The following UVRAG variants were observed in gnomAD, a reference collection of about 807,000 sequenced individuals.
The protein encoded by UVRAG is UV radiation resistance-associated gene protein.
Under a neutral mutation model 78.0 loss-of-function variants are expected in UVRAG, and 19 were observed. The ratio of observed to expected loss-of-function variants is 0.24; its 90% CI spans 0.17 to 0.36. The LOEUF (loss-of-function observed/expected upper bound fraction) is 0.36, where lower values mean the gene tolerates loss of function less well. Among genes scored for constraint, UVRAG ranks in the 10% least tolerant of loss-of-function variants. UVRAG has a pLI of 1.00. For missense variants in UVRAG, 740 were observed against 853.8 expected (o/e 0.87, Z 1.66); for synonymous variants, 323 against 324.6 (o/e 1.00, Z 0.05).
chr11:76,103,278 C>A (rs1041233792), intron 13 of UVRAG, among the ~76,000 whole-genome samples: 9 of 152,102 alleles, frequency 5.9e-5, no homozygotes, highest in African/African-American at 2.2e-4. Flanking sequence ...GGGTGAAGGT[C>A]ATGGGGGCCA....
At chr11:75,858,073 A>G (rs757266313) in intron 2 of UVRAG, among the ~76,000 whole-genome samples, 1 of 151,980 alleles carries the variant, frequency 6.6e-6, no homozygotes, top group South Asian at 2.1e-4. Context: ...AATATGCAGA[A>G]CTGCAGAACC....
chr11:75,940,706 T>C (rs1208256371), intron 6 of UVRAG, among the ~76,000 whole-genome samples: 1 of 152,156 alleles, frequency 6.6e-6, no homozygotes, highest in African/African-American at 2.4e-5. Flanking sequence ...GATAAAACTG[T>C]AGATGCTTTT....
At chr11:76,120,739 A>C (rs770110533) in intron 14 of UVRAG, among the ~76,000 whole-genome samples, 28 of 152,230 alleles carry the variant, frequency 1.8e-4, no homozygotes, top group Non-Finnish European at 2.4e-4. Context: ...TTCCAAGTAA[A>C]GATCACGGCA....
intron 7 of UVRAG, among the ~76,000 whole-genome samples, chr11:75,968,242 G>A (rs1014642923): frequency 3.9e-5 from 6 of 152,146 alleles, no homozygotes; most frequent in South Asian, 2.1e-4. Context: ...TCATAAATAG[G>A]AATGTGTGTA....
chr11:75,821,482 C>G (rs927333784), intron 1 of UVRAG, among the ~76,000 whole-genome samples: 2 of 152,118 alleles, frequency 1.3e-5, no homozygotes, highest in African/African-American at 4.8e-5. Flanking sequence ...GTAGCTGAGA[C>G]TACAATGGCA....
chr11:75,829,876 G>A, intron 1 of UVRAG, among the ~76,000 whole-genome samples: 1 of 152,300 alleles, frequency 6.6e-6, no homozygotes, highest in South Asian at 2.1e-4. Flanking sequence ...GTCTCACTCT[G>A]TTGCCCAGTC....
At chr11:75,833,610 A>G (rs1203439652) in intron 1 of UVRAG, among the ~76,000 whole-genome samples, 3 of 152,182 alleles carry the variant, frequency 2.0e-5, no homozygotes, top group African/African-American at 7.2e-5. Flanking sequence ...AGAGGTGTGG[A>G]GCTGGAAATC....
intron 12 of UVRAG, among the ~76,000 whole-genome samples, chr11:76,044,822 A>G (rs936032628): frequency 3.3e-5 from 5 of 152,318 alleles, no homozygotes; most frequent in South Asian, 4.1e-4. Flanking sequence ...AGCATAAGTA[A>G]GGAACAGGAG....
chr11:76,004,964 T>A (rs1007278809), intron 9 of UVRAG, among the ~76,000 whole-genome samples: 2 of 152,220 alleles, frequency 1.3e-5, no homozygotes, highest in Non-Finnish European at 2.9e-5. Context: ...GTACCTCTGT[T>A]CTTTTGGTCA....
At chr11:75,958,603 C>T (rs902663148) in intron 6 of UVRAG, among the ~76,000 whole-genome samples, 38 of 152,132 alleles carry the variant, frequency 2.5e-4, no homozygotes, top group African/African-American at 8.7e-4. Flanking sequence ...ACTGAAGTCT[C>T]GAACCCCTCA....
chr11:76,047,184 C>T (rs1046445973), intron 12 of UVRAG, among the ~76,000 whole-genome samples: 4 of 152,136 alleles, frequency 2.6e-5, no homozygotes, highest in Admixed American at 2.6e-4. Flanking sequence ...CATAGAAGCA[C>T]CTCACTTCTT....
chr11:75,996,918 T>C (rs955489700), intron 8 of UVRAG, among the ~76,000 whole-genome samples: 2 of 152,154 alleles, frequency 1.3e-5, no homozygotes, highest in Admixed American at 1.3e-4. Flanking sequence ...TGTGTAGAGG[T>C]ATGACAGATA....
At chr11:76,053,074 A>C (rs1211433607) in intron 12 of UVRAG, among the ~76,000 whole-genome samples, 3 of 151,382 alleles carry the variant, frequency 2.0e-5, no homozygotes, top group Non-Finnish European at 4.4e-5. Flanking sequence ...GGGAGGCCAA[A>C]GTGGGTGAAT....
At chr11:76,019,838 A>G (rs1176600175) in intron 12 of UVRAG, among the ~76,000 whole-genome samples, 1 of 152,072 alleles carries the variant, frequency 6.6e-6, no homozygotes, top group Non-Finnish European at 1.5e-5. Context: ...CCTGGCTACC[A>G]CCTATGTTTG....
At chr11:76,102,195 G>T (rs1268160978) in intron 13 of UVRAG, among the ~76,000 whole-genome samples, 1 of 152,106 alleles carries the variant, frequency 6.6e-6, no homozygotes, top group Non-Finnish European at 1.5e-5. Flanking sequence ...TAATGATGTT[G>T]ATTCTTTCAA....
At chr11:75,930,986 T>TCTTTCTTTCTTTCTTTCTTC (rs1262387120) in intron 6 of UVRAG, 1 of 151,464 alleles carries the variant, frequency 6.6e-6, no homozygotes, top group Admixed American at 6.6e-5. Context: ...TTTCTTTCTT[T>TCTTTCTTTCTTTCTTTCTTC]CCATTTTTAA....
intron 1 of UVRAG, among the ~76,000 whole-genome samples, chr11:75,844,259 ACT>A (rs1945984652): frequency 6.6e-6 from 1 of 151,448 alleles, no homozygotes; most frequent in South Asian, 2.1e-4. Context: ...GCAGAGTCTC[ACT>A]CTGTCGCCCA....
rs183532968 is a variant in UVRAG, at chr11:75,869,551, T to C, written c.270+7771T>C. Among the ~76,000 whole-genome samples the C allele has an allele frequency of 3.3e-5, 5 of 152,312 alleles. No homozygotes were observed. The East Asian group carries it at 5.8e-4, about 18-fold the overall frequency. Reference sequence around the variant, plus strand: ...GTTTTCCAACTTCTGTCTGTTTAACTACATGATTTGAAGGGAGACAGAGAT... The same window carrying C: ...GTTTTCCAACTTCTGTCTGTTTAACCACATGATTTGAAGGGAGACAGAGAT... On this transcript the variant is annotated intron_variant, in intron 3 of 14. Coordinates refer to ENST00000356136, the MANE Select transcript of UVRAG (RefSeq NM_003369.4).
intron 6 of UVRAG, among the ~76,000 whole-genome samples, chr11:75,919,736 A>T (rs938556076): frequency 3.3e-5 from 5 of 152,176 alleles, no homozygotes; most frequent in African/African-American, 1.2e-4. Flanking sequence ...GCACTGTCTT[A>T]GTTTTTAATA....
Sources: gnomAD v4.1 joint callset for allele counts (sites outside exome capture counted in the v4.1 genomes callset) on GRCh38, gnomAD v4.1.1 for gene constraint, MANE v1.5 for transcripts, NCBI Gene and HGNC (gene_info 2026-07-23, HGNC 2026-07-21) for gene names.